PLA2G4C: variants seen among roughly 807,000 people sequenced by gnomAD.
The protein encoded by PLA2G4C is cytosolic phospholipase A2 gamma.
PLA2G4C carries 64 observed loss-of-function variants against 73.8 expected under a neutral mutation model. That is an observed-to-expected ratio of 0.87 (90% CI 0.71 to 1.07). PLA2G4C has a LOEUF of 1.07. PLA2G4C is among the 50% of genes least tolerant of loss of function. The pLI is 0.00. For synonymous variants in PLA2G4C, 254 were observed against 252.1 expected (o/e 1.01, Z -0.07); for missense variants, 622 against 665.4 (o/e 0.93, Z 0.72).
chr19:48,076,201 C>T (rs1427901918), intron 11 of PLA2G4C, among the ~76,000 whole-genome samples: 1 of 152,248 alleles, frequency 6.6e-6, no homozygotes, highest in Admixed American at 6.5e-5. Context: ...TACCTTCACT[C>T]TGTACCTGAC....
At chr19:48,069,595 T>TC (rs1008892598) in intron 12 of PLA2G4C, among the ~76,000 whole-genome samples, 4 of 152,108 alleles carry the variant, frequency 2.6e-5, no homozygotes, top group East Asian at 3.9e-4. Flanking sequence ...CAACACTGCC[T>TC]CCCCCTCTGA....
At position 48,110,551 on chromosome 19, in the gene PLA2G4C, A is replaced by C. The variant is rs2032454739; in HGVS notation, c.-97T>G. The C allele has an allele frequency of 1.3e-6, 2 of 1,519,910 alleles. No individual in the cohort carries two copies. Among genetic ancestry groups the C allele is most frequent in the Non-Finnish European group, 1.8e-6 (2 of 1,136,652 alleles). The allele number at this position is 1,519,910 out of a possible 1,614,324, so 94.2% of individuals were successfully genotyped here. On this transcript the variant is annotated 5_prime_UTR_variant, in exon 1 of 17. Coordinates refer to ENST00000599921, the MANE Select transcript of PLA2G4C (RefSeq NM_003706.3). ...GCTTGTGCTCCGGAATCCGGTGCGG[A>C]GGCTTGGGCTCCCTGCGCTTAGCGG...
Position 48,104,667 on chromosome 19 carries a change from G to A in PLA2G4C, c.178C>T (p.Leu60Phe). ...GGGLRAHIACLGVLSEMKEQG... is the reference protein window; with the variant it reads ...GGGLRAHIACFGVLSEMKEQG... ...TCTTTCATCTCACTCAGGACCCCAA[G>A]GCAGGCAATGTGAGCCCGCAGTCCT... is the stretch of plus-strand genomic sequence containing the variant. Residue 60 changes from leucine to phenylalanine, a missense_variant, in exon 4 of 17, where the codon CTT (leucine) becomes TTT (phenylalanine). Leu to Phe is a conservative substitution (Grantham distance 22). Coordinates refer to ENST00000599921, the MANE Select transcript of PLA2G4C (RefSeq NM_003706.3). The A allele has an allele frequency of 4.3e-6, 7 of 1,613,986 alleles. No individual in the cohort carries two copies. The South Asian group carries it at 5.5e-5, about 13-fold the overall frequency.
In PLA2G4C at chr19:48,095,815, T is replaced by C. The variant is rs1157585086; in HGVS notation, c.569-211A>G. The stretch of plus-strand genomic sequence containing the variant: ...AGCTCATAACTTCCACAGCAGCCTG[T>C]TTCCAATATTTTCCAGAGCTTGAAC... On this transcript the variant is annotated intron_variant, in intron 6 of 16. Transcript: ENST00000599921. 2.0e-5 allele frequency among the ~76,000 whole-genome samples: 3 copies of C among 152,146 alleles called. 1 individual carries two copies. Among genetic ancestry groups the C allele is most frequent in the Non-Finnish European group, 4.4e-5 (3 of 68,034 alleles).
chr19:48,057,888 T>C (rs887609574), intron 14 of PLA2G4C, among the ~76,000 whole-genome samples: 1 of 151,846 alleles, frequency 6.6e-6, no homozygotes, highest in Non-Finnish European at 1.5e-5. Context: ...CAGGCTGGAG[T>C]GCAGTGGTGC....
chr19:48,089,886 G>A (rs1482408023), intron 8 of PLA2G4C, among the ~76,000 whole-genome samples: 1 of 152,110 alleles, frequency 6.6e-6, no homozygotes, highest in African/African-American at 2.4e-5. Flanking sequence ...TCCTTCCCAC[G>A]ACTTGGTGGA....
At chr19:48,060,809 G>A (rs1385631591) in intron 14 of PLA2G4C, among the ~76,000 whole-genome samples, 2 of 152,090 alleles carry the variant, frequency 1.3e-5, no homozygotes, top group African/African-American at 4.8e-5. Flanking sequence ...TCATGGTATG[G>A]GGAGGAGGAT....
chr19:48,092,995 C>T (rs150916470), intron 7 of PLA2G4C, among the ~76,000 whole-genome samples: 21 of 152,172 alleles, frequency 1.4e-4, no homozygotes, highest in Admixed American at 3.9e-4. Context: ...CGTACAGAAT[C>T]CCTTCAGTAG....
At chr19:48,108,487 T>C (rs1269724147) in intron 1 of PLA2G4C, among the ~76,000 whole-genome samples, 1 of 152,162 alleles carries the variant, frequency 6.6e-6, no homozygotes, top group African/African-American at 2.4e-5. Flanking sequence ...TAGAAGTAGC[T>C]GGGGAAGTTA....
At chr19:48,090,190 A>T (rs1255269732) in intron 8 of PLA2G4C, 174 bp downstream of exon 8, 2 of 612,660 alleles carry the variant, frequency 3.3e-6, no homozygotes, top group East Asian at 5.5e-5. Flanking sequence ...CTGTACTCTC[A>T]TCCACTCTGT....
intron 10 of PLA2G4C, among the ~76,000 whole-genome samples, chr19:48,082,545 C>T (rs1375562286): frequency 5.7e-5 from 8 of 140,726 alleles, no homozygotes; most frequent in Non-Finnish European, 1.2e-4. Context: ...GTTGCCCAGC[C>T]TGGAGTATAG....
At chr19:48,086,475 GGA>G (rs149916477) in intron 9 of PLA2G4C, among the ~76,000 whole-genome samples, 4,169 of 152,182 alleles carry the variant, frequency 0.027, 149 homozygotes, top group African/African-American at 0.084. Context: ...CCCTGCACAG[GGA>G]GAGTTAGAGC....
At chr19:48,104,794 T>C in intron 3 of PLA2G4C, 70 bp from the exon 4 acceptor site, 2 of 1,517,364 alleles carry the variant, frequency 1.3e-6, no homozygotes, top group Non-Finnish European at 9.0e-7. Context: ...AGAAGAAGGG[T>C]ACCTGGGGCC....
intron 13 of PLA2G4C, chr19:48,064,810 C>T (rs1356970771): frequency 1.3e-5 from 2 of 152,158 alleles, no homozygotes; most frequent in African/African-American, 2.4e-5. Context: ...GAGCAAAGAC[C>T]ATACGAGGAT....
intron 12 of PLA2G4C, among the ~76,000 whole-genome samples, chr19:48,071,002 A>G (rs1227560135): frequency 6.6e-6 from 1 of 152,220 alleles, no homozygotes; most frequent in African/African-American, 2.4e-5. Context: ...ATTTGTTAAA[A>G]TAAATATCTC....
At position 48,049,420 on chromosome 19, in the gene PLA2G4C, G is replaced by A. The variant is rs552673246; in HGVS notation, c.1581-1032C>T. Among the ~76,000 whole-genome samples, 18 of 152,052 alleles carry A rather than the reference G, an allele frequency of 1.2e-4. No homozygotes were observed. In the South Asian group the frequency reaches 2.9e-3, roughly 25 times the overall value. The stretch of plus-strand genomic sequence containing the variant: ...CTTTCACTTTACTCCTCAGCACACC[G>A]CACGTTCGGTCGTCTCCATGGCACT... On this transcript the variant is annotated intron_variant, in intron 16 of 16. Coordinates refer to ENST00000599921, the MANE Select transcript of PLA2G4C (RefSeq NM_003706.3).
rs560713377 is a variant in PLA2G4C at position 48,106,708 on chromosome 19, AAG to A, written c.-32-149_-32-148del. The A allele has an allele frequency of 1.4e-3, 898 of 631,926 alleles. 6 individuals carry two copies. The African/African-American group carries it at 0.015, about 10-fold the overall frequency. The allele number at this position is 631,926 out of a possible 1,614,324, so 39.1% of individuals were successfully genotyped here. A position where few individuals can be genotyped will look rare whatever the true frequency, so the allele number is the denominator to read the frequency against. ...AATGCGAACAGCAGGTGTTGCAGCA[AAG>A]AGAGAGAGTTTAATAATCTCAGGGG... is the stretch of plus-strand genomic sequence containing the variant. On this transcript the variant is annotated intron_variant, in intron 1 of 16. Coordinates refer to ENST00000599921, the MANE Select transcript of PLA2G4C (RefSeq NM_003706.3).
chr19:48,106,277 G>C (rs2032233149), intron 2 of PLA2G4C, among the ~76,000 whole-genome samples: 1 of 151,862 alleles, frequency 6.6e-6, no homozygotes, highest in African/African-American at 2.4e-5. Flanking sequence ...TTTTATTGTA[G>C]AGATAGGGTT....
In PLA2G4C at chr19:48,095,508, C is replaced by G; in HGVS notation, c.665G>C (p.Arg222Thr). Residue 222 changes from arginine (R) to threonine (T), a missense_variant, in exon 7 of 17, where the codon AGA becomes ACA. Arg to Thr is a moderately conservative substitution (Grantham distance 71). Transcript: ENST00000599921. ...THFGSKFKKG[R>T]LVRTHPERDL... Reference sequence around the variant, plus strand: ...TCTCTCAGGGTGAGTTCTGACCAGTCTTCCCTTCTTGAATTTGCTTCCGAA... The same window carrying G: ...TCTCTCAGGGTGAGTTCTGACCAGTGTTCCCTTCTTGAATTTGCTTCCGAA... 6.2e-7 allele frequency: 1 copy of G among 1,614,156 alleles called. No homozygotes were observed. The highest frequency in any genetic ancestry group is 8.5e-7 in the Non-Finnish European group (1 of 1,180,036).
Sources: allele counts gnomAD v4.1 joint callset (sites outside exome capture counted in the v4.1 genomes callset), GRCh38; gene constraint gnomAD v4.1.1; transcripts MANE v1.5; gene names NCBI Gene and HGNC (gene_info 2026-07-23, HGNC 2026-07-21).